MTREX: variants seen among roughly 807,000 people sequenced by gnomAD.
MTREX encodes exosome RNA helicase MTR4.
Under a neutral mutation model 135.4 loss-of-function variants are expected in MTREX, and 76 were observed. The observed-to-expected ratio is 0.56, with a 90% CI of 0.47 to 0.68. The LOEUF (loss-of-function observed/expected upper bound fraction) is 0.68, where lower values mean the gene tolerates loss of function less well. Ranked by LOEUF, MTREX falls within the 30% of genes least tolerant of loss-of-function variation. MTREX has a pLI of 0.00. For missense variants in MTREX, 920 were observed against 1,262.1 expected (o/e 0.73, Z 4.11); for synonymous variants, 404 against 401.6 (o/e 1.01, Z -0.07).
intron 25 of MTREX, among the ~76,000 whole-genome samples, chr5:55,422,587 T>C (rs230754): frequency 0.86 from 131,407 of 152,142 alleles, 57,087 homozygotes; most frequent in South Asian, 0.92. Flanking sequence ...TTATGTCATC[T>C]TTGCAGCCTT....
chr5:55,373,089 G>A (rs1339828389), intron 16 of MTREX, among the ~76,000 whole-genome samples: 3 of 150,574 alleles, frequency 2.0e-5, no homozygotes, highest in East Asian at 1.9e-4. Context: ...ATTTAAGGCA[G>A]GGTTGTTTAT....
intron 25 of MTREX, among the ~76,000 whole-genome samples, chr5:55,420,586 C>T (rs540948241): frequency 1.3e-5 from 2 of 152,210 alleles, no homozygotes; most frequent in South Asian, 4.2e-4. Context: ...ACCTTAAACA[C>T]ATTAAGTTGA....
intron 16 of MTREX, among the ~76,000 whole-genome samples, chr5:55,372,427 T>C (rs1326921990): frequency 6.6e-6 from 1 of 152,132 alleles, no homozygotes; most frequent in Non-Finnish European, 1.5e-5. Context: ...AACAATACAG[T>C]AGCAATATCC....
At chr5:55,420,057 G>A (rs773062635) in intron 25 of MTREX, among the ~76,000 whole-genome samples, 27 of 152,122 alleles carry the variant, frequency 1.8e-4, no homozygotes, top group Non-Finnish European at 3.1e-4. Flanking sequence ...ATACTTACTC[G>A]TTTAATGAAT....
At chr5:55,343,241 A>C (rs1045828810) in intron 7 of MTREX, 90 bp from the exon 8 acceptor site, 9 of 1,185,992 alleles carry the variant, frequency 7.6e-6, no homozygotes, top group Non-Finnish European at 1.1e-5. Flanking sequence ...ATTTCTAACT[A>C]TAAAGCTTCA....
At chr5:55,383,577 T>C (rs1453176722) in intron 18 of MTREX, among the ~76,000 whole-genome samples, 2 of 152,212 alleles carry the variant, frequency 1.3e-5, no homozygotes, top group African/African-American at 4.8e-5. Context: ...TTAATCTTTT[T>C]TTCTCTTGCT....
chr5:55,415,675 T>C (rs1248351939), intron 24 of MTREX, among the ~76,000 whole-genome samples: 3 of 152,248 alleles, frequency 2.0e-5, no homozygotes, highest in African/African-American at 7.2e-5. Flanking sequence ...AATGCTGCTC[T>C]TGAATAATTT....
At chr5:55,396,862 C>T (rs1750654598) in intron 19 of MTREX, among the ~76,000 whole-genome samples, 1 of 152,184 alleles carries the variant, frequency 6.6e-6, no homozygotes, top group African/African-American at 2.4e-5. Flanking sequence ...GATTCAAGAG[C>T]AGTTGAAAGG....
rs1749699231 is a variant in MTREX, at chr5:55,344,502, T to A, written c.907-20T>A. 6.6e-7 allele frequency: 1 copy of A among 1,520,556 alleles called. No homozygotes were observed. Among genetic ancestry groups the A allele is most frequent in the South Asian group, 1.1e-5 (1 of 88,346 alleles). 94.2% of individuals were successfully genotyped at this position (1,520,556 alleles called of 1,614,324 possible). A position where few individuals can be genotyped will look rare whatever the true frequency, so the allele number is the denominator to read the frequency against. On this transcript the variant is annotated intron_variant, in intron 8 of 26. Coordinates refer to ENST00000230640, the MANE Select transcript of MTREX (RefSeq NM_015360.5). ...TTTGAGGAAATAAAATTTTGTATGT[T>A]TAATTCTTTCTTTTTACAGCCTTGT...
At chr5:55,387,245 G>A (rs1750494526) in intron 18 of MTREX, among the ~76,000 whole-genome samples, 1 of 151,992 alleles carries the variant, frequency 6.6e-6, no homozygotes, top group Non-Finnish European at 1.5e-5. Context: ...TAAACAGTTG[G>A]TAGTTTATTG....
At chr5:55,327,028 CA>C (rs954759139) in intron 3 of MTREX, among the ~76,000 whole-genome samples, 2 of 152,216 alleles carry the variant, frequency 1.3e-5, no homozygotes, top group Non-Finnish European at 2.9e-5. Flanking sequence ...GACATGAACT[CA>C]TCAACTTTTA....
At chr5:55,378,616 A>G in intron 17 of MTREX, 130 bp downstream of exon 17, 2 of 1,078,002 alleles carry the variant, frequency 1.9e-6, no homozygotes, top group Non-Finnish European at 2.6e-6. Context: ...TATTAATCAT[A>G]TTATTTTACC....
intron 16 of MTREX, among the ~76,000 whole-genome samples, chr5:55,369,524 A>T (rs1038240612): frequency 1.3e-5 from 2 of 152,200 alleles, no homozygotes; most frequent in Admixed American, 6.5e-5. Flanking sequence ...ACAGTGGAGG[A>T]TAGAGGGAAA....
chr5:55,390,822 C>T (rs959604597), intron 19 of MTREX, among the ~76,000 whole-genome samples: 1 of 152,070 alleles, frequency 6.6e-6, no homozygotes, highest in African/African-American at 2.4e-5. Flanking sequence ...ATTAAGATAC[C>T]AGTACTTGTC....
intron 15 of MTREX, among the ~76,000 whole-genome samples, chr5:55,365,767 G>A (rs1319721207): frequency 2.0e-5 from 3 of 152,082 alleles, no homozygotes; most frequent in Non-Finnish European, 4.4e-5. Flanking sequence ...AGACTGAGGT[G>A]GGCGGAGAGG....
intron 5 of MTREX, among the ~76,000 whole-genome samples, chr5:55,335,865 A>G (rs1327998983): frequency 1.3e-5 from 2 of 152,154 alleles, no homozygotes; most frequent in South Asian, 2.1e-4. Flanking sequence ...CATTGTAACA[A>G]TATTGACTCA....
intron 1 of MTREX, among the ~76,000 whole-genome samples, 168 bp downstream of exon 1, chr5:55,308,315 G>C (rs989062719): frequency 2.0e-5 from 3 of 152,060 alleles, no homozygotes; most frequent in Non-Finnish European, 4.4e-5. Context: ...TTGGTTCGTG[G>C]AAGGGGGGTC....
intron 14 of MTREX, among the ~76,000 whole-genome samples, chr5:55,355,629 A>G (rs1228460229): frequency 2.0e-5 from 3 of 152,232 alleles, no homozygotes; most frequent in African/African-American, 7.2e-5. Context: ...GTTAAGGTCC[A>G]TGCTGTTGCC....
intron 18 of MTREX, among the ~76,000 whole-genome samples, chr5:55,386,425 A>G (rs1473360823): frequency 6.6e-6 from 1 of 152,188 alleles, no homozygotes; most frequent in East Asian, 1.9e-4. Context: ...ACATTGATCC[A>G]TCTTTACAGA....
Sources: gnomAD v4.1 joint callset for allele counts (sites outside exome capture counted in the v4.1 genomes callset) on GRCh38, gnomAD v4.1.1 for gene constraint, MANE v1.5 for transcripts, NCBI Gene and HGNC (gene_info 2026-07-23, HGNC 2026-07-21) for gene names.